ASZ1: variants seen among roughly 807,000 people sequenced by gnomAD.
ASZ1 encodes the protein ankyrin repeat, SAM and basic leucine zipper domain containing 1, also known as ankyrin repeat, SAM and basic leucine zipper domain-containing protein 1.
Under a neutral mutation model 61.8 loss-of-function variants are expected in ASZ1, and 67 were observed. The observed-to-expected ratio is 1.08, with a 90% CI of 0.89 to 1.33. The LOEUF (loss-of-function observed/expected upper bound fraction) is 1.33. Ranked by LOEUF, ASZ1 falls within the 40% of genes most tolerant of loss-of-function variation. ASZ1 has a pLI of 0.00. For synonymous variants in ASZ1, 193 were observed against 192.7 expected (o/e 1.00, Z -0.01); for missense variants, 577 against 554.5 (o/e 1.04, Z -0.41).
chr7:117,389,172 G>A (rs1796416075), intron 4 of ASZ1, among the ~76,000 whole-genome samples: 1 of 149,914 alleles, frequency 6.7e-6, no homozygotes, highest in South Asian at 2.1e-4. Context: ...GGATCCAGAA[G>A]TCTTTTTTTT....
At chr7:117,378,201 C>T (rs1487940474) in intron 10 of ASZ1, among the ~76,000 whole-genome samples, 1 of 151,930 alleles carries the variant, frequency 6.6e-6, no homozygotes. Flanking sequence ...ACTTAGACCT[C>T]ATCAAAATAA....
rs745659991 is a variant in ASZ1, at chr7:117,383,139, A to C, written c.688-29T>G. On this transcript the variant is annotated intron_variant, in intron 6 of 12. Transcript: ENST00000284629. ...AAAAAAGTTAACATCATTCAAATAT[A>C]ATTAACATTGCATACTGTAACTTAC... is the stretch of plus-strand genomic sequence containing the variant. 8.6e-6 allele frequency: 13 copies of C among 1,510,512 alleles called. No homozygotes were observed. In the East Asian group the frequency reaches 3.3e-4, roughly 38 times the overall value. The allele number at this position is 1,510,512 out of a possible 1,614,324, so 93.6% of individuals were successfully genotyped here.
intron 4 of ASZ1, among the ~76,000 whole-genome samples, chr7:117,419,185 C>T (rs904160807): frequency 2.0e-5 from 3 of 152,078 alleles, no homozygotes; most frequent in Admixed American, 2.0e-4. Flanking sequence ...CACTAGGTAC[C>T]AGTAGTATTT....
At chr7:117,365,608 G>C (rs1795921585) in intron 12 of ASZ1, among the ~76,000 whole-genome samples, 1 of 152,144 alleles carries the variant, frequency 6.6e-6, no homozygotes, top group African/African-American at 2.4e-5. Context: ...TGTTTTGCAA[G>C]AAGTATCTTT....
Position 117,367,339 on chromosome 7 carries a change from G to A in ASZ1, c.1275+13C>T. The A allele has an allele frequency of 2.1e-6, 3 of 1,461,284 alleles. No homozygotes were observed. Among genetic ancestry groups the A allele is most frequent in the Non-Finnish European group, 2.7e-6 (3 of 1,101,582 alleles). The allele number at this position is 1,461,284 out of a possible 1,614,324, so 90.5% of individuals were successfully genotyped here. A position where few individuals can be genotyped will look rare whatever the true frequency, so the allele number is the denominator to read the frequency against. On this transcript the variant is annotated intron_variant, in intron 12 of 12. Coordinates refer to ENST00000284629, the MANE Select transcript of ASZ1 (RefSeq NM_130768.3). ...CCTTCATTTTTCCCCTCCTTTTAATGTTAAATATATACCTTTTGAATTAGG... is the reference window on the plus strand; with the variant it reads ...CCTTCATTTTTCCCCTCCTTTTAATATTAAATATATACCTTTTGAATTAGG...
chr7:117,383,427 A>C (rs1188550339), intron 6 of ASZ1, among the ~76,000 whole-genome samples: 3 of 152,042 alleles, frequency 2.0e-5, no homozygotes, highest in African/African-American at 7.2e-5. Context: ...TCTAATTCAA[A>C]ATAGTAAAAA....
chr7:117,371,968 C>T (rs573377078), intron 10 of ASZ1, among the ~76,000 whole-genome samples: 5 of 152,108 alleles, frequency 3.3e-5, no homozygotes, highest in South Asian at 2.1e-4. Context: ...ATGAATGAAA[C>T]GAAAATATAT....
chr7:117,426,488 C>CAAAAAAAAAAAAAAAAAAAAA (rs10625452), intron 2 of ASZ1, among the ~76,000 whole-genome samples: 13 of 33,992 alleles, frequency 3.8e-4, no homozygotes, highest in Admixed American at 1.6e-3. Flanking sequence ...GATAACATCT[C>CAAAAAAAAAAAAAAAAAAAAA]AAAAAAAAAA....
chr7:117,391,232 T>C (rs557888800), intron 4 of ASZ1, among the ~76,000 whole-genome samples: 4 of 152,276 alleles, frequency 2.6e-5, no homozygotes, highest in African/African-American at 9.6e-5. Flanking sequence ...TAGTCCTTTG[T>C]TGGATGCATA....
At chr7:117,393,966 A>G (rs1796528316) in intron 4 of ASZ1, among the ~76,000 whole-genome samples, 1 of 152,222 alleles carries the variant, frequency 6.6e-6, no homozygotes, top group Non-Finnish European at 1.5e-5. Flanking sequence ...GAGAAAAGTT[A>G]ATAAATAACT....
At chr7:117,409,441 G>A (rs941606000) in intron 4 of ASZ1, among the ~76,000 whole-genome samples, 3 of 151,722 alleles carry the variant, frequency 2.0e-5, no homozygotes, top group Non-Finnish European at 4.4e-5. Context: ...TATAAATAAG[G>A]TGTCAGAAAA....
At position 117,375,159 on chromosome 7, in the gene ASZ1, G is replaced by A. The variant is rs181017591; in HGVS notation, c.1055+4779C>T. Among the ~76,000 whole-genome samples, 198 of 151,888 alleles carry A rather than the reference G, an allele frequency of 1.3e-3. 1 individual carries two copies. The Middle Eastern group carries it at 0.014, about 10-fold the overall frequency. On this transcript the variant is annotated intron_variant, in intron 10 of 12. Coordinates refer to ENST00000284629, the MANE Select transcript of ASZ1 (RefSeq NM_130768.3). ...GAAAACAATTATTATAGGTTATTTC[G>A]GATTATAAAATCTAGGTGAAAATTA... is the stretch of plus-strand genomic sequence containing the variant.
intron 12 of ASZ1, among the ~76,000 whole-genome samples, chr7:117,366,392 A>C (rs1795939668): frequency 6.6e-6 from 1 of 152,184 alleles, no homozygotes; most frequent in South Asian, 2.1e-4. Flanking sequence ...TATTAATGAA[A>C]ATGTTAAATG....
At chr7:117,366,855 T>C (rs1011286906) in intron 12 of ASZ1, among the ~76,000 whole-genome samples, 5 of 152,176 alleles carry the variant, frequency 3.3e-5, no homozygotes, top group African/African-American at 1.2e-4. Flanking sequence ...CGTACAAATA[T>C]AATTTCATAT....
At chr7:117,418,429 C>T (rs1463664474) in intron 4 of ASZ1, among the ~76,000 whole-genome samples, 2 of 152,064 alleles carry the variant, frequency 1.3e-5, no homozygotes, top group Admixed American at 6.5e-5. Flanking sequence ...CCAAAGTGGG[C>T]GGATCATGAG....
chr7:117,415,967 G>C (rs1796983419), intron 4 of ASZ1, among the ~76,000 whole-genome samples: 1 of 152,156 alleles, frequency 6.6e-6, no homozygotes, highest in Non-Finnish European at 1.5e-5. Context: ...AAGGCAGGTG[G>C]ATCACTTAAG....
At chr7:117,402,068 A>G (rs1378369365) in intron 4 of ASZ1, among the ~76,000 whole-genome samples, 1 of 152,144 alleles carries the variant, frequency 6.6e-6, no homozygotes, top group Non-Finnish European at 1.5e-5. Flanking sequence ...ACTATTAACA[A>G]AAGAGAATAA....
chr7:117,420,219 G>T lies in ASZ1; in HGVS notation c.384C>A (p.Ile128=). ...AAAGTAGTAGTTCTACACACTTCAA[G>T]ATCTGTTCCTCTGAGCCATGAGCAG... The part of the protein sequence containing the change: ...ACSAHGSEEQ[I]LKCVELLLSR... The change falls in exon 4 of 13, where the codon ATC becomes ATA. Residue 128 remains isoleucine, a synonymous_variant. Coordinates refer to ENST00000284629, the MANE Select transcript of ASZ1 (RefSeq NM_130768.3). The T allele has an allele frequency of 6.2e-7, 1 of 1,612,782 alleles. No homozygotes were observed. The highest frequency in any genetic ancestry group is 8.5e-7 in the Non-Finnish European group (1 of 1,179,722).
chr7:117,413,505 C>T (rs955521445), intron 4 of ASZ1, among the ~76,000 whole-genome samples: 3 of 152,036 alleles, frequency 2.0e-5, no homozygotes, highest in African/African-American at 7.2e-5. Context: ...ATTAAATTTC[C>T]ATATTTGCCA....
Sources: allele counts gnomAD v4.1 joint callset (sites outside exome capture counted in the v4.1 genomes callset), GRCh38; gene constraint gnomAD v4.1.1; transcripts MANE v1.5; gene names NCBI Gene and HGNC (gene_info 2026-07-23, HGNC 2026-07-21).